Variants in FUT9 observed in about 807,000 individuals in gnomAD.
The protein encoded by FUT9 is fucosyltransferase 9.
Under a neutral mutation model 29.7 loss-of-function variants are expected in FUT9, and 15 were observed. The observed-to-expected ratio is 0.51, with a 90% CI of 0.34 to 0.78. The LOEUF is 0.78. Among genes scored for constraint, FUT9 ranks in the 30% least tolerant of loss-of-function variants. The pLI is 0.01. For missense variants in FUT9, 319 were observed against 425.4 expected (o/e 0.75, Z 2.20); for synonymous variants, 169 against 153.7 (o/e 1.10, Z -0.74).
At chr6:96,183,891 G>A (rs1402263710) in intron 2 of FUT9, among the ~76,000 whole-genome samples, 2 of 151,890 alleles carry the variant, frequency 1.3e-5, no homozygotes, top group Admixed American at 6.6e-5. Flanking sequence ...CAGGGATATC[G>A]GGCTGTAGTT....
chr6:96,093,576 TAAG>T (rs1771449430), intron 1 of FUT9, among the ~76,000 whole-genome samples: 1 of 152,114 alleles, frequency 6.6e-6, no homozygotes, highest in South Asian at 2.1e-4. Context: ...TAAATTGTAT[TAAG>T]AAGTAGAATA....
At chr6:96,156,221 T>C (rs1382297582) in intron 2 of FUT9, among the ~76,000 whole-genome samples, 9 of 152,184 alleles carry the variant, frequency 5.9e-5, no homozygotes, top group Non-Finnish European at 1.5e-5. Context: ...ATGACAGCTG[T>C]GAGCCAGTGC....
Position 96,212,544 on chromosome 6 carries a change from G to T in FUT9, c.*8309G>T, listed in dbSNP as rs1773958169. On this transcript the variant is annotated 3_prime_UTR_variant, in exon 3 of 3. Coordinates refer to ENST00000302103, the MANE Select transcript of FUT9 (RefSeq NM_006581.4). ...GATTTTACTTAGAAGGGAAAAAAAA[G>T]AACTTTCAGCTTAATCGGGGTTAAG... The T allele has an allele frequency of 7.5e-6, 3 of 402,316 alleles. No homozygotes were observed. The highest frequency in any genetic ancestry group is 1.4e-5 in the Non-Finnish European group (3 of 219,248). The allele number at this position is 402,316 out of a possible 1,614,324, so 24.9% of individuals were successfully genotyped here.
At chr6:96,095,896 A>G in intron 1 of FUT9, among the ~76,000 whole-genome samples, 1 of 152,144 alleles carries the variant, frequency 6.6e-6, no homozygotes, top group East Asian at 1.9e-4. Context: ...AATAGGGATT[A>G]TAGCAGTACC....
chr6:96,203,032 A>T (rs4307180), intron 2 of FUT9, 116 bp from the exon 3 acceptor site: 680,417 of 701,652 alleles, frequency 0.97, 332,309 homozygotes, highest in Non-Finnish European at 1. Context: ...AGGAAAATGC[A>T]GTTGATTACT....
chr6:96,018,948 A>G (rs915548695), intron 1 of FUT9, among the ~76,000 whole-genome samples: 11 of 151,900 alleles, frequency 7.2e-5, no homozygotes, highest in African/African-American at 2.4e-4. Context: ...TAATCAAATA[A>G]GGTAACTAAA....
chr6:96,186,187 C>T (rs1032395318), intron 2 of FUT9, among the ~76,000 whole-genome samples: 1 of 152,066 alleles, frequency 6.6e-6, no homozygotes, highest in African/African-American at 2.4e-5. Flanking sequence ...ATTTCTTAGG[C>T]TGTTGACATC....
At chr6:96,184,412 T>C (rs977857319) in intron 2 of FUT9, among the ~76,000 whole-genome samples, 2 of 152,068 alleles carry the variant, frequency 1.3e-5, no homozygotes, top group Admixed American at 6.6e-5. Context: ...GTTTTATATA[T>C]CTTTTGTTTT....
intron 2 of FUT9, among the ~76,000 whole-genome samples, chr6:96,128,643 C>T (rs1429964793): frequency 2.6e-5 from 4 of 152,188 alleles, no homozygotes; most frequent in Non-Finnish European, 5.9e-5. Context: ...TCATCAAAAA[C>T]ACTTGTATGC....
At chr6:96,065,533 T>C (rs541471910) in intron 1 of FUT9, among the ~76,000 whole-genome samples, 2 of 152,272 alleles carry the variant, frequency 1.3e-5, no homozygotes, top group Admixed American at 1.3e-4. Flanking sequence ...ACCAGTATGT[T>C]AATAAGTACA....
Position 96,145,126 on chromosome 6 carries a change from C to T in FUT9, c.-9+30999C>T, listed in dbSNP as rs539085616. ...AGGCTGGAGTGCAGTGGCACGATCT[C>T]GGCTCACTGCAAGCTCCATCTCCTG... On this transcript the variant is annotated intron_variant, in intron 2 of 2. Coordinates refer to ENST00000302103, the MANE Select transcript of FUT9 (RefSeq NM_006581.4). Among the ~76,000 whole-genome samples, 9 of 152,194 alleles carry T rather than the reference C, an allele frequency of 5.9e-5. No individual in the cohort carries two copies. The East Asian group carries it at 7.7e-4, about 13-fold the overall frequency.
chr6:96,112,783 C>T (rs1452262263), intron 1 of FUT9, among the ~76,000 whole-genome samples: 7 of 152,174 alleles, frequency 4.6e-5, no homozygotes, highest in South Asian at 2.1e-4. Context: ...ATTTTTTTGA[C>T]GGGATAAGCT....
chr6:96,201,123 TATC>T (rs1482855881), intron 2 of FUT9, among the ~76,000 whole-genome samples: 1 of 151,996 alleles, frequency 6.6e-6, no homozygotes, highest in Non-Finnish European at 1.5e-5. Flanking sequence ...GAATTGTTGA[TATC>T]ATAGGAAAAC....
chr6:96,042,654 G>T (rs1770483049), intron 1 of FUT9, among the ~76,000 whole-genome samples: 1 of 152,046 alleles, frequency 6.6e-6, no homozygotes, highest in South Asian at 2.1e-4. Flanking sequence ...GGATATTCTA[G>T]AGATGAATCA....
chr6:96,041,640 T>C (rs920147874), intron 1 of FUT9, among the ~76,000 whole-genome samples: 1 of 152,184 alleles, frequency 6.6e-6, no homozygotes, highest in Non-Finnish European at 1.5e-5. Flanking sequence ...TTCTGGACAC[T>C]AGTTTTTCCT....
In FUT9 at chr6:96,151,507, T is replaced by A. The variant is rs4499942; in HGVS notation, c.-9+37380T>A. Among the ~76,000 whole-genome samples, 6 of 152,066 alleles carry A rather than the reference T, an allele frequency of 3.9e-5. No homozygotes were observed. The South Asian group carries it at 1.2e-3, about 32-fold the overall frequency. On this transcript the variant is annotated intron_variant, in intron 2 of 2. Coordinates refer to ENST00000302103, the MANE Select transcript of FUT9 (RefSeq NM_006581.4). ...AAGGGACCAGCCTTCTTTAAAGATT[T>A]TATCAGGTAGAGACATCAGTTCTGC...
chr6:96,019,844 G>A (rs1473668758), intron 1 of FUT9, among the ~76,000 whole-genome samples: 2 of 152,010 alleles, frequency 1.3e-5, no homozygotes, highest in Non-Finnish European at 2.9e-5. Flanking sequence ...CTAATGACTT[G>A]CTCAAAGTTT....
chr6:96,026,870 T>C (rs186117706), intron 1 of FUT9, among the ~76,000 whole-genome samples: 28 of 151,752 alleles, frequency 1.8e-4, no homozygotes, highest in Non-Finnish European at 3.5e-4. Context: ...AAATTAAAAC[T>C]TGTTGCTTAT....
chr6:96,179,135 T>C (rs971886107), intron 2 of FUT9, among the ~76,000 whole-genome samples: 5 of 152,144 alleles, frequency 3.3e-5, no homozygotes, highest in Admixed American at 2.0e-4. Context: ...CCGTATTGTA[T>C]ATGACCATAG....
Sources: allele counts gnomAD v4.1 joint callset (sites outside exome capture counted in the v4.1 genomes callset), GRCh38; gene constraint gnomAD v4.1.1; transcripts MANE v1.5; gene names NCBI Gene and HGNC (gene_info 2026-07-23, HGNC 2026-07-21).